ZMYND11: variants seen among roughly 807,000 people sequenced by gnomAD.
ZMYND11 encodes zinc finger MYND-type containing 11.
ZMYND11 carries 9 observed loss-of-function variants against 84.9 expected under a neutral mutation model. That is an observed-to-expected ratio of 0.11 (90% CI 0.06 to 0.18). The LOEUF (loss-of-function observed/expected upper bound fraction) is 0.18, where lower values mean the gene tolerates loss of function less well. ZMYND11 is among the 10% of genes least tolerant of loss of function. The pLI is 1.00. For synonymous variants in ZMYND11, 250 were observed against 244.1 expected (o/e 1.02, Z -0.23); for missense variants, 409 against 761.0 (o/e 0.54, Z 5.44).
intron 1 of ZMYND11, among the ~76,000 whole-genome samples, chr10:140,433 A>G (rs1338970544): frequency 6.6e-6 from 1 of 152,224 alleles, no homozygotes; most frequent in Non-Finnish European, 1.5e-5. Flanking sequence ...TGGAAATGCT[A>G]TACAAGTTTT....
rs201825624 is a variant in ZMYND11 at position 248,467 on chromosome 10, G to A, written c.1359G>A (p.Arg453=). 8 of 1,614,146 alleles carry A rather than the reference G, an allele frequency of 5.0e-6. No individual in the cohort carries two copies. Among genetic ancestry groups the A allele is most frequent in the Non-Finnish European group, 6.8e-6 (8 of 1,180,040 alleles). Reference sequence around the variant, plus strand: ...CCTCTTCACCAAGAATGCTGCATCGGAGCACCCAGACCACAAACGACGGCG... The same window carrying A: ...CCTCTTCACCAAGAATGCTGCATCGAAGCACCCAGACCACAAACGACGGCG... ...LSASSPRMLH[R]STQTTNDGVC... Residue 453 remains arginine, a synonymous_variant, in exon 13 of 15, where the codon CGG becomes CGA. Coordinates refer to ENST00000381604, the MANE Select transcript of ZMYND11 (RefSeq NM_001370100.5).
At chr10:251,216 A>C (rs934626610) in intron 14 of ZMYND11, among the ~76,000 whole-genome samples, 56 of 152,278 alleles carry the variant, frequency 3.7e-4, no homozygotes, top group African/African-American at 1.3e-3. Flanking sequence ...GGTATTTGGG[A>C]GAAGGGATGG....
intron 1 of ZMYND11, among the ~76,000 whole-genome samples, chr10:151,033 A>G (rs1281928107): frequency 2.0e-5 from 3 of 152,178 alleles, no homozygotes; most frequent in Non-Finnish European, 4.4e-5. Flanking sequence ...AAACTAACAA[A>G]CAGAAAGGAC....
chr10:243,826 C>CTTCACTCCAGCCT (rs1178543797), intron 10 of ZMYND11, among the ~76,000 whole-genome samples: 1 of 152,158 alleles, frequency 6.6e-6, no homozygotes, highest in Non-Finnish European at 1.5e-5. Context: ...GACTGTGCCA[C>CTTCACTCCAGCCT]TTCACTCCAG....
intron 3 of ZMYND11, among the ~76,000 whole-genome samples, chr10:217,627 A>T (rs553924518): frequency 6.6e-6 from 1 of 152,254 alleles, no homozygotes; most frequent in African/African-American, 2.4e-5. Context: ...TCATTTTGTG[A>T]CTTGGTCAGT....
At chr10:182,571 C>T (rs1848106555) in intron 2 of ZMYND11, among the ~76,000 whole-genome samples, 1 of 152,138 alleles carries the variant, frequency 6.6e-6, no homozygotes, top group South Asian at 2.1e-4. Flanking sequence ...TTTCCTCTTC[C>T]TCATCTCATC....
At chr10:183,065 G>A (rs1848209961) in intron 2 of ZMYND11, among the ~76,000 whole-genome samples, 1 of 152,160 alleles carries the variant, frequency 6.6e-6, no homozygotes, top group Non-Finnish European at 1.5e-5. Context: ...TATAAAAAAA[G>A]CTACACGGTT....
At position 188,591 on chromosome 10, in the gene ZMYND11, CAA is replaced by C. The variant is rs57541654; in HGVS notation, c.116+8481_116+8482del. On this transcript the variant is annotated intron_variant, in intron 2 of 14. Coordinates refer to ENST00000381604, the MANE Select transcript of ZMYND11 (RefSeq NM_001370100.5). ...TGGGCAACAGAGTGAGACCCTGTCTCAAAAAAAAAAAAAAAAAAATTTCCCAG... is the reference window on the plus strand; with the variant it reads ...TGGGCAACAGAGTGAGACCCTGTCTCAAAAAAAAAAAAAAAAATTTCCCAG... Among the ~76,000 whole-genome samples the C allele has an allele frequency of 6.2e-3, 747 of 120,046 alleles. 4 individuals carry two copies. The highest frequency in any genetic ancestry group is 0.018 in the Middle Eastern group (4 of 224). 78.8% of individuals were successfully genotyped at this position (120,046 alleles called of 152,430 possible). A position where few individuals can be genotyped will look rare whatever the true frequency, so the allele number is the denominator to read the frequency against.
intron 2 of ZMYND11, among the ~76,000 whole-genome samples, chr10:199,867 T>G (rs935066779): frequency 2.5e-4 from 35 of 139,852 alleles, no homozygotes; most frequent in African/African-American, 8.1e-4. Context: ...GTGGAAAACA[T>G]TTTTTTCTTT....
At chr10:231,850 T>C (rs555178012) in intron 4 of ZMYND11, among the ~76,000 whole-genome samples, 39 of 152,234 alleles carry the variant, frequency 2.6e-4, no homozygotes, top group Non-Finnish European at 5.0e-4. Flanking sequence ...GCTTCAGACA[T>C]GCGATTACCG....
chr10:233,686 T>C (rs996863949), intron 4 of ZMYND11, among the ~76,000 whole-genome samples: 2 of 152,218 alleles, frequency 1.3e-5, no homozygotes, highest in African/African-American at 4.8e-5. Flanking sequence ...CAGGCCCAGA[T>C]GACCACTTTT....
intron 2 of ZMYND11, among the ~76,000 whole-genome samples, chr10:193,352 T>A (rs2130944871): frequency 6.6e-6 from 1 of 152,322 alleles, no homozygotes; most frequent in East Asian, 1.9e-4. Context: ...TTCCATATAG[T>A]TAAATTATTT....
chr10:155,827 G>T (rs782372943), intron 1 of ZMYND11, among the ~76,000 whole-genome samples: 20 of 152,160 alleles, frequency 1.3e-4, no homozygotes, highest in African/African-American at 4.6e-4. Context: ...AGAGGTCCTC[G>T]TTGGGAGACT....
At chr10:178,153 C>T (rs1847071517) in intron 1 of ZMYND11, among the ~76,000 whole-genome samples, 1 of 152,196 alleles carries the variant, frequency 6.6e-6, no homozygotes, top group African/African-American at 2.4e-5. Flanking sequence ...TTTTATAGCA[C>T]ATATTGTGGA....
chr10:201,860 C>G (rs1197991050), intron 2 of ZMYND11, among the ~76,000 whole-genome samples: 1 of 152,100 alleles, frequency 6.6e-6, no homozygotes, highest in Non-Finnish European at 1.5e-5. Flanking sequence ...CATTTACATG[C>G]CATTTCCTGA....
chr10:236,831 TC>T lies in ZMYND11; in HGVS notation c.439-6del, dbSNP rs1180350257. ...TGTACCTTTTTTTATTCTTTTTTTTTCAATAGAGCATTAAGAAGAAGAATAC... is the reference window on the plus strand; with the variant it reads ...TGTACCTTTTTTTATTCTTTTTTTTTAATAGAGCATTAAGAAGAAGAATAC... On this transcript the variant is annotated splice_polypyrimidine_tract_variant and splice_region_variant and intron_variant, in intron 4 of 14. Coordinates refer to ENST00000381604, the MANE Select transcript of ZMYND11 (RefSeq NM_001370100.5). 2 of 1,607,654 alleles carry T rather than the reference TC, an allele frequency of 1.2e-6. No individual in the cohort carries two copies. The highest frequency in any genetic ancestry group is 1.7e-6 in the Non-Finnish European group (2 of 1,176,482).
At chr10:241,996 A>G in intron 9 of ZMYND11, 25 bp from the exon 10 acceptor site, 1 of 1,612,132 alleles carries the variant, frequency 6.2e-7, no homozygotes, top group Non-Finnish European at 8.5e-7. Context: ...AAGTAATATA[A>G]CAAGGTAAAA....
chr10:152,919 G>A (rs781926999), intron 1 of ZMYND11, among the ~76,000 whole-genome samples: 5 of 152,166 alleles, frequency 3.3e-5, no homozygotes, highest in Non-Finnish European at 5.9e-5. Flanking sequence ...ACTCAAAACC[G>A]CTCAACTACA....
intron 2 of ZMYND11, among the ~76,000 whole-genome samples, chr10:200,939 A>G (rs1361259388): frequency 6.6e-6 from 1 of 152,166 alleles, no homozygotes; most frequent in Non-Finnish European, 1.5e-5. Flanking sequence ...CAGAGGCCAG[A>G]AAAAATGAGT....
Sources: gnomAD v4.1 joint callset for allele counts (sites outside exome capture counted in the v4.1 genomes callset) on GRCh38, gnomAD v4.1.1 for gene constraint, MANE v1.5 for transcripts, NCBI Gene and HGNC (gene_info 2026-07-23, HGNC 2026-07-21) for gene names.